Variants in HCN1 observed in about 807,000 individuals in gnomAD.
HCN1 encodes the protein potassium/sodium hyperpolarization-activated cyclic nucleotide-gated channel 1.
In HCN1, 13 loss-of-function variants were observed where a neutral mutation model predicts 78.9. That is an observed-to-expected ratio of 0.16 (90% CI 0.11 to 0.26). The LOEUF (loss-of-function observed/expected upper bound fraction) is 0.26, where lower values mean the gene tolerates loss of function less well. Ranked by LOEUF, HCN1 falls within the 10% of genes least tolerant of loss-of-function variation. The probability of loss-of-function intolerance (pLI) is 1.00; values close to 1 mark genes in which losing one functional copy is unlikely to be tolerated. For missense variants in HCN1, 810 were observed against 1,154.3 expected, an observed-to-expected ratio of 0.70 and a Z score of 4.32; for synonymous variants, 552 against 455.5, an observed-to-expected ratio of 1.21 and a Z score of -2.70.
chr5:45,609,255 C>A (rs1303597781), intron 2 of HCN1, among the ~76,000 whole-genome samples: 1 of 151,998 alleles, frequency 6.6e-6, no homozygotes, highest in African/African-American at 2.4e-5. Flanking sequence ...GAAATGTACA[C>A]AAGAAGACAT....
chr5:45,577,196 A>T (rs1418306359), intron 2 of HCN1, among the ~76,000 whole-genome samples: 1 of 152,114 alleles, frequency 6.6e-6, no homozygotes, highest in Non-Finnish European at 1.5e-5. Context: ...TTTCAAGGTT[A>T]TTACAATTTA....
At chr5:45,425,540 C>T (rs189644705) in intron 3 of HCN1, among the ~76,000 whole-genome samples, 3 of 151,926 alleles carry the variant, frequency 2.0e-5, no homozygotes, top group African/African-American at 4.8e-5. Context: ...TGGTAGTGAT[C>T]GAAAGAGAGG....
intron 5 of HCN1, among the ~76,000 whole-genome samples, chr5:45,312,146 T>C (rs1489646200): frequency 6.6e-6 from 1 of 152,174 alleles, no homozygotes; most frequent in Non-Finnish European, 1.5e-5. Flanking sequence ...TTCTAAAACA[T>C]TCAAGCACAC....
intron 2 of HCN1, among the ~76,000 whole-genome samples, chr5:45,525,960 C>T (rs138126363): frequency 5.4e-4 from 82 of 152,016 alleles, no homozygotes; most frequent in African/African-American, 1.6e-3. Context: ...GGAGAGCTAA[C>T]CCTTTCTAGC....
intron 3 of HCN1, among the ~76,000 whole-genome samples, chr5:45,424,983 C>T (rs1042208297): frequency 5.3e-5 from 8 of 152,056 alleles, no homozygotes; most frequent in Non-Finnish European, 7.4e-5. Context: ...ATCTCATTAA[C>T]GGTCCATAGT....
intron 2 of HCN1, among the ~76,000 whole-genome samples, chr5:45,517,369 C>T (rs1227100145): frequency 1.3e-5 from 2 of 151,678 alleles, no homozygotes; most frequent in Non-Finnish European, 2.9e-5. Flanking sequence ...GATCCCCACG[C>T]TATCCCCATC....
At chr5:45,645,652 C>T in intron 1 of HCN1, 44 bp from the exon 2 acceptor site, 1 of 1,271,916 alleles carries the variant, frequency 7.9e-7, no homozygotes, top group South Asian at 1.3e-5. Context: ...TAGAAAATAA[C>T]CAGCCTATCC....
Position 45,303,639 on chromosome 5 carries a change from G to C in HCN1, c.1578C>G (p.Ser526=). The C allele has an allele frequency of 6.2e-7, 1 of 1,613,292 alleles. No individual in the cohort carries two copies. Among genetic ancestry groups the C allele is most frequent in the Middle Eastern group, 1.7e-4 (1 of 6,050 alleles). ...CATCTGTCAGCTTCATTTCTTTACT[G>C]GATTTTGTAATGACACCAGCAACAC... ...QHGVAGVITK[S]SKEMKLTDGS... Residue 526 remains serine (S), a synonymous_variant, in exon 6 of 8, where the codon TCC becomes TCG. Coordinates refer to ENST00000303230, the MANE Select transcript of HCN1 (RefSeq NM_021072.4).
chr5:45,296,752 A>T (rs114554791), intron 6 of HCN1, among the ~76,000 whole-genome samples: 222 of 152,098 alleles, frequency 1.5e-3, no homozygotes, highest in African/African-American at 3.9e-3. Flanking sequence ...AACATCAAAA[A>T]TGAAAGAGGG....
chr5:45,588,669 G>C (rs374072862), intron 2 of HCN1, among the ~76,000 whole-genome samples: 1 of 152,190 alleles, frequency 6.6e-6, no homozygotes, highest in South Asian at 2.1e-4. Flanking sequence ...CTTCAAGTTA[G>C]GAGTCACCCC....
intron 7 of HCN1, among the ~76,000 whole-genome samples, chr5:45,264,217 C>A (rs1744809338): frequency 6.6e-6 from 1 of 152,176 alleles, no homozygotes; most frequent in East Asian, 1.9e-4. Context: ...TCTAAGACCT[C>A]AATAAATTTT....
intron 2 of HCN1, among the ~76,000 whole-genome samples, chr5:45,488,684 G>A (rs1379167019): frequency 6.6e-6 from 1 of 152,134 alleles, no homozygotes; most frequent in African/African-American, 2.4e-5. Context: ...AAAGGTTGCA[G>A]TCCTACTGAG....
In HCN1 at chr5:45,255,709, T is replaced by C. The variant is rs1483691252; in HGVS notation, c.*6212A>G. ...ATGAGAATACATTTGGAAAACTCTTTTTGAATCTTTCAAATTTCTTTGGGT... is the reference window on the plus strand; with the variant it reads ...ATGAGAATACATTTGGAAAACTCTTCTTGAATCTTTCAAATTTCTTTGGGT... On this transcript the variant is annotated 3_prime_UTR_variant, in exon 8 of 8. Transcript: ENST00000303230. 3.3e-5 allele frequency: 5 copies of C among 152,358 alleles called. No homozygotes were observed. The East Asian group carries it at 7.7e-4, about 24-fold the overall frequency. 9.4% of individuals were successfully genotyped at this position (152,358 alleles called of 1,614,324 possible).
Position 45,353,080 on chromosome 5 carries a change from C to G in HCN1, c.1377+20G>C. 6.3e-7 allele frequency: 1 copy of G among 1,589,968 alleles called. No individual in the cohort carries two copies. Among genetic ancestry groups the G allele is most frequent in the Non-Finnish European group, 8.6e-7 (1 of 1,160,192 alleles). On this transcript the variant is annotated intron_variant, in intron 5 of 7. Transcript: ENST00000303230. ...AAACAATGATTATGTATTATGCATA[C>G]TGAGGACAATAAATCTTACCTCTCT...
At chr5:45,582,138 T>C (rs1181353385) in intron 2 of HCN1, among the ~76,000 whole-genome samples, 1 of 152,216 alleles carries the variant, frequency 6.6e-6, no homozygotes, top group Non-Finnish European at 1.5e-5. Flanking sequence ...CGGTATTGAT[T>C]CTTCCTACCC....
chr5:45,359,421 A>G (rs1486893283), intron 4 of HCN1, among the ~76,000 whole-genome samples: 2 of 146,852 alleles, frequency 1.4e-5, no homozygotes, highest in Admixed American at 6.7e-5. Flanking sequence ...AAAAAAATAT[A>G]TATATATATA....
intron 3 of HCN1, among the ~76,000 whole-genome samples, chr5:45,408,613 T>A (rs1739972330): frequency 6.6e-6 from 1 of 152,178 alleles, no homozygotes; most frequent in Non-Finnish European, 1.5e-5. Context: ...TGTTTCTTCA[T>A]CTTTCTAATG....
intron 5 of HCN1, among the ~76,000 whole-genome samples, chr5:45,312,714 A>G (rs1745879694): frequency 1.3e-5 from 2 of 152,148 alleles, no homozygotes; most frequent in South Asian, 4.1e-4. Context: ...ACACCAGGAG[A>G]TTATATCCCG....
chr5:45,309,585 A>AATTTT (rs1168650176), intron 5 of HCN1, among the ~76,000 whole-genome samples: 2 of 152,150 alleles, frequency 1.3e-5, no homozygotes, highest in Non-Finnish European at 2.9e-5. Flanking sequence ...AGTGATGTTG[A>AATTTT]ATTTTATCAA....
Sources: allele counts gnomAD v4.1 joint callset (sites outside exome capture counted in the v4.1 genomes callset), GRCh38; gene constraint gnomAD v4.1.1; transcripts MANE v1.5; gene names NCBI Gene and HGNC (gene_info 2026-07-23, HGNC 2026-07-21).